The following KLHL26 variants were observed in gnomAD, a reference collection of about 807,000 sequenced individuals.
KLHL26 encodes kelch like family member 26.
A neutral mutation model predicts 7.1 loss-of-function variants in KLHL26; 4 were observed. The observed-to-expected ratio is 0.56, with a 90% CI of 0.28 to 1.28. The LOEUF is 1.28. KLHL26 is among the 50% of genes most tolerant of loss of function. The pLI, the probability that KLHL26 is intolerant of heterozygous loss-of-function variation, is 0.11. For synonymous variants in KLHL26, 465 were observed against 414.1 expected, an observed-to-expected ratio of 1.12 and a Z score of -1.49; for missense variants, 896 against 924.6, an observed-to-expected ratio of 0.97 and a Z score of 0.40.
intron 1 of KLHL26, among the ~76,000 whole-genome samples, chr19:18,661,256 CCT>C (rs1568461209): frequency 4.6e-5 from 7 of 152,228 alleles, no homozygotes; most frequent in African/African-American, 1.7e-4. Flanking sequence ...ACTGATCCTG[CCT>C]TCTGGGTTCC....
rs12611127 is a variant in KLHL26, at chr19:18,667,769, C to T, written c.372C>T (p.Ala124=). ...LRHIIDFAYS[A]EVTLDLDCVQ... is the part of the protein sequence containing the mutation. The stretch of plus-strand genomic sequence containing the variant: ...ACATCATCGACTTCGCCTACAGCGC[C>T]GAGGTGACACTGGACCTGGACTGCG... The change falls in exon 3 of 3, where the codon GCC becomes GCT. Residue 124 remains alanine (A), a synonymous_variant. Coordinates refer to ENST00000300976, the MANE Select transcript of KLHL26 (RefSeq NM_018316.3). 1 of 1,613,384 alleles carries T rather than the reference C, an allele frequency of 6.2e-7. No individual in the cohort carries two copies. The highest frequency in any genetic ancestry group is 1.1e-5 in the South Asian group (1 of 91,090).
Position 18,667,812 on chromosome 19 carries a change from G to A in KLHL26, c.415G>A (p.Ala139Thr). Residue 139 changes from alanine (A) to threonine (T), a missense_variant, in exon 3 of 3, where the codon GCG becomes ACG. Transcript: ENST00000300976. ...DLDCVQDVLGAAVFLQMLPVV... is the reference protein window; with the variant it reads ...DLDCVQDVLGTAVFLQMLPVV... Reference sequence around the variant, plus strand: ...GGACTGCGTGCAGGACGTGCTGGGCGCGGCCGTGTTCTTGCAGATGCTGCC... The same window carrying A: ...GGACTGCGTGCAGGACGTGCTGGGCACGGCCGTGTTCTTGCAGATGCTGCC... 1.9e-6 allele frequency: 3 copies of A among 1,613,304 alleles called. No individual in the cohort carries two copies. Among genetic ancestry groups the A allele is most frequent in the African/African-American group, 1.3e-5 (1 of 75,038 alleles).
At position 18,656,801 on chromosome 19, in the gene KLHL26, A is replaced by AGC. The variant is rs1277017837; in HGVS notation, c.84-7459_84-7458dup. 6.6e-6 allele frequency among the ~76,000 whole-genome samples: 1 copy of AGC among 152,184 alleles called. No individual in the cohort carries two copies. The highest frequency in any genetic ancestry group is 1.5e-5 in the Non-Finnish European group (1 of 68,016). ...GCCTGCCCAGCACGCCTGCCCTCCCAGCACAGGGCGGGAGTGGCGGGTTCC... is the reference window on the plus strand; with the variant it reads ...GCCTGCCCAGCACGCCTGCCCTCCCAGCGCACAGGGCGGGAGTGGCGGGTTCC... On this transcript the variant is annotated intron_variant, in intron 1 of 2. Coordinates refer to ENST00000300976, the MANE Select transcript of KLHL26 (RefSeq NM_018316.3). The surrounding 1 kb of genome is among the most constrained non-coding windows in gnomAD (Gnocchi z 4.4).
intron 2 of KLHL26, among the ~76,000 whole-genome samples, chr19:18,664,748 AT>A (rs34530367): frequency 3.4e-4 from 51 of 151,144 alleles, no homozygotes; most frequent in African/African-American, 1.2e-3. Flanking sequence ...TGCCCAGCTA[AT>A]TTTTTTTGTA....
chr19:18,641,095 T>C (rs1388376787), intron 1 of KLHL26, among the ~76,000 whole-genome samples: 1 of 152,040 alleles, frequency 6.6e-6, no homozygotes, highest in East Asian at 1.9e-4. Context: ...CCTAGCTCAC[T>C]GCACCCTGGA....
At chr19:18,662,229 C>T (rs144771815) in intron 1 of KLHL26, among the ~76,000 whole-genome samples, 9 of 152,298 alleles carry the variant, frequency 5.9e-5, no homozygotes, top group South Asian at 2.1e-4. Context: ...CATCCCTCCC[C>T]GCAAATCTCC....
chr19:18,659,565 C>G (rs1264098177), intron 1 of KLHL26: 1 of 152,242 alleles, frequency 6.6e-6, no homozygotes, highest in East Asian at 1.9e-4. Context: ...CCGTTCTGGC[C>G]CGAGCGCTGG....
rs1320607738 is a variant in KLHL26, at chr19:18,642,383, T to TGTG, written c.83+5246_83+5247insGTG. On this transcript the variant is annotated intron_variant, in intron 1 of 2. Transcript: ENST00000300976. The stretch of plus-strand genomic sequence containing the variant: ...TGTGTGTGTGTGTGTGTGTGTGTGT[T>TGTG]TGAGATGGAGTTTCGCTTTTGTTGC... Among the ~76,000 whole-genome samples the TGTG allele has an allele frequency of 1.9e-3, 116 of 61,598 alleles. 2 individuals carry two copies. The highest frequency in any genetic ancestry group is 7.8e-3 in the African/African-American group (112 of 14,312). The allele number at this position is 61,598 out of a possible 152,430, so 40.4% of individuals were successfully genotyped here. A position where few individuals can be genotyped will look rare whatever the true frequency, so the allele number is the denominator to read the frequency against.
In KLHL26 at chr19:18,668,731, C is replaced by A; in HGVS notation, c.1334C>A (p.Ser445Ter). The A allele has an allele frequency of 6.3e-7, 1 of 1,578,510 alleles. No homozygotes were observed. The highest frequency in any genetic ancestry group is 8.6e-7 in the Non-Finnish European group (1 of 1,168,788). ...CGCAATGAGTGGGGCTACGCCTGCT[C>A]GCTGAAGCGCCGTACCTGGGGCCAT... Reference protein sequence around the residue: ...PRRNEWGYACSLKRRTWGHAG... With the variant: ...PRRNEWGYAC Residue 445 changes from serine to a stop codon, truncating the protein, a stop_gained, in exon 3 of 3, where the codon TCG becomes TAG. Transcript: ENST00000300976. LOFTEE classifies it low-confidence loss of function (END_TRUNC).
At position 18,661,028 on chromosome 19, in the gene KLHL26, G is replaced by A. The variant is rs560613792; in HGVS notation, c.84-3233G>A. 1.9e-4 allele frequency among the ~76,000 whole-genome samples: 29 copies of A among 152,288 alleles called. No homozygotes were observed. In the South Asian group the frequency reaches 4.6e-3, roughly 24 times the overall value. On this transcript the variant is annotated intron_variant, in intron 1 of 2. Transcript: ENST00000300976. ...ATCCAGATTCTCCGAGTGTGTAGTC[G>A]TCACGTGCTAGTGGCAGCCTGGGTC... is the stretch of plus-strand genomic sequence containing the variant.
At chr19:18,653,369 ACCACCCACCCACCCATCCGC>A (rs2052281648) in intron 1 of KLHL26, among the ~76,000 whole-genome samples, 1 of 62,594 alleles carries the variant, frequency 1.6e-5, no homozygotes, top group African/African-American at 6.5e-5. Flanking sequence ...CATCCACCCC[ACCACCCACCCACCCATCCGC>A]CCACCCACCC....
chr19:18,651,710 G>T (rs540166895), intron 1 of KLHL26, among the ~76,000 whole-genome samples: 1 of 152,392 alleles, frequency 6.6e-6, no homozygotes, highest in South Asian at 2.1e-4. Context: ...GGAGGCAGTG[G>T]GGTGGGCTGC....
chr19:18,660,437 T>C (rs2052380935), intron 1 of KLHL26, among the ~76,000 whole-genome samples: 1 of 152,170 alleles, frequency 6.6e-6, no homozygotes, highest in Admixed American at 6.5e-5. Context: ...ATGACTCACG[T>C]GCGGGTGACC....
intron 1 of KLHL26, among the ~76,000 whole-genome samples, chr19:18,661,632 G>A (rs1455250167): frequency 6.6e-6 from 1 of 152,056 alleles, no homozygotes; most frequent in East Asian, 1.9e-4. Flanking sequence ...GTGATTCCAC[G>A]AATCTCCTTT....
chr19:18,666,486 G>C (rs2052449094), intron 2 of KLHL26, among the ~76,000 whole-genome samples: 1 of 152,170 alleles, frequency 6.6e-6, no homozygotes, highest in African/African-American at 2.4e-5. Flanking sequence ...CTCTTCTGCT[G>C]GGGAACACCC....
chr19:18,669,473 G>A lies in KLHL26; in HGVS notation c.*228G>A. On this transcript the variant is annotated 3_prime_UTR_variant, in exon 3 of 3. Coordinates refer to ENST00000300976, the MANE Select transcript of KLHL26 (RefSeq NM_018316.3). Reference sequence around the variant, plus strand: ...AGCCTGCCGGCAAAGCGTCTGACATGTGGTGGCAGCAAATTCGTCCCCGGG... The same window carrying A: ...AGCCTGCCGGCAAAGCGTCTGACATATGGTGGCAGCAAATTCGTCCCCGGG... 3.5e-6 allele frequency: 2 copies of A among 576,076 alleles called. No homozygotes were observed. The highest frequency in any genetic ancestry group is 6.6e-5 in the Admixed American group (2 of 30,510). The allele number at this position is 576,076 out of a possible 1,614,324, so 35.7% of individuals were successfully genotyped here. A position where few individuals can be genotyped will look rare whatever the true frequency, so the allele number is the denominator to read the frequency against.
chr19:18,662,010 G>A (rs2052396437), intron 1 of KLHL26, among the ~76,000 whole-genome samples: 1 of 152,146 alleles, frequency 6.6e-6, no homozygotes, highest in Non-Finnish European at 1.5e-5. Context: ...CTCCCAAGTA[G>A]CTGGGAACAC....
In KLHL26 at chr19:18,667,753, A is replaced by T; in HGVS notation, c.356A>T (p.Asp119Val). The T allele has an allele frequency of 6.2e-7, 1 of 1,613,236 alleles. No homozygotes were observed. Among genetic ancestry groups the T allele is most frequent in the Non-Finnish European group, 8.5e-7 (1 of 1,179,984 alleles). ...GCCCGTGGCCTGCGGCACATCATCG[A>T]CTTCGCCTACAGCGCCGAGGTGACA... is the stretch of plus-strand genomic sequence containing the variant. ...VSARGLRHII[D>V]FAYSAEVTLD... Residue 119 changes from aspartate (D) to valine (V), a missense_variant, in exon 3 of 3, where the codon GAC becomes GTC. Transcript: ENST00000300976.
intron 1 of KLHL26, among the ~76,000 whole-genome samples, chr19:18,643,428 G>A (rs1252968094): frequency 6.6e-6 from 1 of 151,308 alleles, no homozygotes; most frequent in Non-Finnish European, 1.5e-5. Flanking sequence ...CTGGGCGAGA[G>A]AACCAGACTG....
Sources: gnomAD v4.1 joint callset for allele counts (sites outside exome capture counted in the v4.1 genomes callset) on GRCh38, gnomAD v4.1.1 for gene constraint, Gnocchi (gnomAD v3.1) non-coding constraint, MANE v1.5 for transcripts, NCBI Gene and HGNC (gene_info 2026-07-23, HGNC 2026-07-21) for gene names.